Variants in TARS1 observed in about 807,000 individuals in gnomAD.
The protein encoded by TARS1 is threonine--tRNA ligase 1, cytoplasmic.
A neutral mutation model predicts 97.7 loss-of-function variants in TARS1; 57 were observed. That is an observed-to-expected ratio of 0.58 (90% CI 0.47 to 0.73). TARS1 has a LOEUF of 0.73. TARS1 is among the 30% of genes least tolerant of loss of function. The pLI, the probability that TARS1 is intolerant of heterozygous loss-of-function variation, is 0.00. For synonymous variants in TARS1, 312 were observed against 293.7 expected (o/e 1.06, Z -0.64); for missense variants, 806 against 888.3 (o/e 0.91, Z 1.18).
At chr5:33,457,452 A>T in intron 9 of TARS1, 49 bp downstream of exon 9, 1 of 1,579,586 alleles carries the variant, frequency 6.3e-7, no homozygotes, top group Non-Finnish European at 8.6e-7. Flanking sequence ...CTTCAACTTC[A>T]TTTGAAGTTT....
intron 8 of TARS1, among the ~76,000 whole-genome samples, 178 bp downstream of exon 8, chr5:33,456,405 G>GGGTGACT (rs1483799233): frequency 1.3e-5 from 2 of 152,088 alleles, no homozygotes; most frequent in African/African-American, 2.4e-5. Context: ...ATCCCTCAAG[G>GGGTGACT]GGTGACTGAC....
chr5:33,458,369 G>T (rs111989999), intron 9 of TARS1, among the ~76,000 whole-genome samples, 197 bp from the exon 10 acceptor site: 1 of 152,158 alleles, frequency 6.6e-6, no homozygotes, highest in Admixed American at 6.5e-5. Context: ...TGTGTTACAC[G>T]TCTGCCAAAT....
At chr5:33,455,850 T>G (rs1265460848) in intron 6 of TARS1, 146 bp downstream of exon 6, 1 of 990,108 alleles carries the variant, frequency 1.0e-6, no homozygotes. Context: ...TTTTTTAATT[T>G]CATTTTTTTC....
chr5:33,440,964 C>A, upstream of TARS1: 2 of 1,228,282 alleles, frequency 1.6e-6, no homozygotes, highest in Non-Finnish European at 2.3e-6. Flanking sequence ...GGGCGCCTTT[C>A]GATTGCATCA....
rs774618170 is a variant in TARS1, at chr5:33,441,037, C to T, written c.-50C>T. ...ACCTCCCACCCGCCTCTTGGCTCCT[C>T]TCCTCTAGGCCGTCGCTTTCGGGTT... On this transcript the variant is annotated 5_prime_UTR_variant, in exon 1 of 19. Transcript: ENST00000265112. 198 of 1,612,476 alleles carry T rather than the reference C, an allele frequency of 1.2e-4. No individual in the cohort carries two copies. The highest frequency in any genetic ancestry group is 1.5e-4 in the Non-Finnish European group (182 of 1,178,954).
At chr5:33,459,622 CTTT>C in intron 10 of TARS1, 70 bp from the exon 11 acceptor site, 1 of 1,546,984 alleles carries the variant, frequency 6.5e-7, no homozygotes, top group Non-Finnish European at 8.9e-7. Context: ...TAAAATCACT[CTTT>C]AAGTTTTTAC....
rs1314394248 is a variant in TARS1 at position 33,458,631 on chromosome 5, C to T, written c.1050C>T (p.Ala350=). 3 of 1,613,452 alleles carry T rather than the reference C, an allele frequency of 1.9e-6. No individual in the cohort carries two copies. Among genetic ancestry groups the T allele is most frequent in the African/African-American group, 2.7e-5 (2 of 74,900 alleles). The change falls in exon 10 of 19, where the codon GCC becomes GCT. Residue 350 remains alanine, a synonymous_variant. Transcript: ENST00000265112. The part of the protein sequence containing the change: ...PGSCFFLPKG[A]YIYNALIEFI... ...GTTGCTTTTTTCTGCCAAAAGGAGC[C>T]TACATTTATAATGCACTTATTGAAT...
chr5:33,453,952 T>A (rs1741885751), intron 4 of TARS1, among the ~76,000 whole-genome samples: 1 of 152,134 alleles, frequency 6.6e-6, no homozygotes, highest in African/African-American at 2.4e-5. Context: ...ACTCCTGACC[T>A]CAAGTGATCT....
intron 3 of TARS1, among the ~76,000 whole-genome samples, chr5:33,451,582 CCAGGATGGT>C (rs1741736962): frequency 6.6e-6 from 1 of 152,012 alleles, no homozygotes; most frequent in Admixed American, 6.6e-5. Context: ...ACTGTGTTAG[CCAGGATGGT>C]CTTGATCTCC....
chr5:33,456,027 T>C lies in TARS1; in HGVS notation c.719T>C (p.Leu240Ser). 1 of 1,613,926 alleles carries C rather than the reference T, an allele frequency of 6.2e-7. No homozygotes were observed. The highest frequency in any genetic ancestry group is 8.5e-7 in the Non-Finnish European group (1 of 1,179,914). Residue 240 changes from leucine (L) to serine (S), a missense_variant, in exon 7 of 19, where the codon TTG becomes TCG. Physicochemically the swap from Leu to Ser is moderately radical, Grantham distance 145. Transcript: ENST00000265112. ...TACAACAAGTTCAAATGCCGGATATTGAATGAAAAGGTGAATACTCCAACT... is the reference window on the plus strand; with the variant it reads ...TACAACAAGTTCAAATGCCGGATATCGAATGAAAAGGTGAATACTCCAACT... The part of the protein sequence containing the change: ...FKYNKFKCRI[L>S]NEKVNTPTTT...
At chr5:33,441,465 G>C (rs374688766) in intron 1 of TARS1, 13 of 276,662 alleles carry the variant, frequency 4.7e-5, no homozygotes, top group Middle Eastern at 1.2e-3. Context: ...TAGGCTTGAG[G>C]CTTCCAAACT....
At position 33,461,170 on chromosome 5, in the gene TARS1, A is replaced by T. The variant is rs756656153; in HGVS notation, c.1426A>T (p.Ile476Leu). The change falls in exon 13 of 19, where the codon ATA (isoleucine) becomes TTA (leucine). Residue 476 changes from isoleucine (I) to leucine (L), a missense_variant. Coordinates refer to ENST00000265112, the MANE Select transcript of TARS1 (RefSeq NM_152295.5). The part of the protein sequence containing the change: ...FCAMEQIEDE[I>L]KGCLDFLRTV... The stretch of plus-strand genomic sequence containing the variant: ...TTTTAATTTGAAGATTGAAGATGAA[A>T]TAAAAGGTTGTTTGGATTTTCTACG... The T allele has an allele frequency of 1.7e-5, 28 of 1,606,386 alleles. No homozygotes were observed. Among genetic ancestry groups the T allele is most frequent in the Non-Finnish European group, 8.5e-7 (1 of 1,176,598 alleles).
At position 33,456,013 on chromosome 5, in the gene TARS1, C is replaced by G. The variant is rs1402202743; in HGVS notation, c.705C>G (p.Phe235Leu). ...TTTCCTGTTTTCAGTACAACAAGTT[C>G]AAATGCCGGATATTGAATGAAAAGG... ...TLLAMFKYNK[F>L]KCRILNEKVN... The change falls in exon 7 of 19, where the codon TTC becomes TTG. Residue 235 changes from phenylalanine (F) to leucine (L), a missense_variant. By Grantham distance (22) the Phe-to-Leu change is conservative (BLOSUM62 0). Around this residue, in one of 3 missense-constraint regions of TARS1, gnomAD observed 356 missense variants for 357.8 expected, o/e 0.99. Transcript: ENST00000265112. The G allele has an allele frequency of 6.2e-7, 1 of 1,613,654 alleles. No homozygotes were observed. The highest frequency in any genetic ancestry group is 1.7e-5 in the Admixed American group (1 of 59,990).
At chr5:33,459,247 C>A (rs949135680) in intron 10 of TARS1, among the ~76,000 whole-genome samples, 3 of 152,112 alleles carry the variant, frequency 2.0e-5, no homozygotes, top group Non-Finnish European at 4.4e-5. Flanking sequence ...GGCATGGATT[C>A]TTTTTGTCCA....
intron 11 of TARS1, among the ~76,000 whole-genome samples, chr5:33,460,476 A>C (rs186535333): frequency 6.6e-6 from 1 of 152,212 alleles, no homozygotes; most frequent in Non-Finnish European, 1.5e-5. Context: ...TCTGCTTTCT[A>C]TCTTTGAAAG....
At chr5:33,442,466 T>C (rs763620258) in intron 1 of TARS1, among the ~76,000 whole-genome samples, 9 of 152,132 alleles carry the variant, frequency 5.9e-5, no homozygotes, top group Non-Finnish European at 1.0e-4. Flanking sequence ...AATTATACAA[T>C]AGTTAATATT....
chr5:33,458,747 A>T (rs1211010853), intron 10 of TARS1, 83 bp downstream of exon 10: 1 of 1,105,900 alleles, frequency 9.0e-7, no homozygotes, highest in Non-Finnish European at 1.3e-6. Context: ...AGGAAAGATA[A>T]TCTGTATTTG....
chr5:33,447,187 T>C (rs867183535), intron 2 of TARS1, among the ~76,000 whole-genome samples: 14 of 152,160 alleles, frequency 9.2e-5, no homozygotes, highest in Admixed American at 1.3e-4. Context: ...AAGGAATTAC[T>C]GGGCAGACAA....
intron 3 of TARS1, among the ~76,000 whole-genome samples, chr5:33,449,519 G>A (rs187520642): frequency 0.014 from 1,996 of 137,730 alleles, 49 homozygotes; most frequent in African/African-American, 0.052. Flanking sequence ...GCAGTGGCGC[G>A]ATCTTGGCTC....
Sources: gnomAD v4.1 joint callset for allele counts (sites outside exome capture counted in the v4.1 genomes callset) on GRCh38, gnomAD v4.1.1 for gene constraint, gnomAD v4.1.1 regional missense constraint, MANE v1.5 for transcripts, NCBI Gene and HGNC (gene_info 2026-07-23, HGNC 2026-07-21) for gene names.